Variants in PDE2A observed in about 807,000 individuals in gnomAD.
PDE2A encodes phosphodiesterase 2A, also known as cGMP-dependent 3',5'-cyclic phosphodiesterase.
A neutral mutation model predicts 133.6 loss-of-function variants in PDE2A; 53 were observed. The ratio of observed to expected loss-of-function variants is 0.40; its 90% CI spans 0.32 to 0.50. The LOEUF is 0.50. Ranked by LOEUF, PDE2A falls within the 20% of genes least tolerant of loss-of-function variation. PDE2A has a pLI of 0.73. For missense variants in PDE2A, 796 were observed against 1,232.4 expected (o/e 0.65, Z 5.30); for synonymous variants, 491 against 490.2 (o/e 1.00, Z -0.02).
chr11:72,650,033 T>A, intron 1 of PDE2A, among the ~76,000 whole-genome samples: 1 of 151,374 alleles, frequency 6.6e-6, no homozygotes, highest in Non-Finnish European at 1.5e-5. Context: ...TTTTTTTTTT[T>A]TTTTTTAGAT....
At chr11:72,622,345 A>T (rs1348325781) in intron 2 of PDE2A, among the ~76,000 whole-genome samples, 1 of 152,226 alleles carries the variant, frequency 6.6e-6, no homozygotes, top group African/African-American at 2.4e-5. Context: ...CAGCAAGCGT[A>T]CTTCTAGGTA....
At chr11:72,624,914 G>T (rs1857980563) in intron 2 of PDE2A, among the ~76,000 whole-genome samples, 1 of 152,204 alleles carries the variant, frequency 6.6e-6, no homozygotes, top group Non-Finnish European at 1.5e-5. Flanking sequence ...CACATGTGCA[G>T]AACGCCCCCT....
intron 2 of PDE2A, among the ~76,000 whole-genome samples, chr11:72,627,646 C>T (rs947965400): frequency 1.3e-5 from 2 of 152,176 alleles, no homozygotes; most frequent in Admixed American, 6.5e-5. Flanking sequence ...AATGCCCTGC[C>T]AAGGGGTGTG....
intron 1 of PDE2A, among the ~76,000 whole-genome samples, chr11:72,665,026 G>A (rs1480374121): frequency 6.6e-6 from 1 of 151,530 alleles, no homozygotes; most frequent in Non-Finnish European, 1.5e-5. Context: ...GGCTGGTCTT[G>A]AACTCCCAAC....
chr11:72,613,485 A>ACCTCCCTGCCTT (rs1314398580), intron 2 of PDE2A, among the ~76,000 whole-genome samples: 1 of 149,264 alleles, frequency 6.7e-6, no homozygotes, highest in Non-Finnish European at 1.5e-5. Flanking sequence ...TTTCGGGTGG[A>ACCTCCCTGCCTT]CCTCCCTGCC....
chr11:72,625,951 G>C (rs865878011), intron 2 of PDE2A, among the ~76,000 whole-genome samples: 1 of 152,346 alleles, frequency 6.6e-6, no homozygotes, highest in Middle Eastern at 3.4e-3. Context: ...GCAGGACGGT[G>C]GGGGGTGGGG....
intron 1 of PDE2A, among the ~76,000 whole-genome samples, chr11:72,656,222 T>G (rs749623325): frequency 6.6e-6 from 1 of 152,212 alleles, no homozygotes; most frequent in Non-Finnish European, 1.5e-5. Flanking sequence ...ACTGACCTGT[T>G]GTAACCCTGA....
intron 1 of PDE2A, chr11:72,668,999 C>T (rs1855321048): frequency 1.0e-6 from 1 of 998,810 alleles, no homozygotes; most frequent in South Asian, 4.4e-5. Context: ...TTCATAATGA[C>T]AGTAGCTAAC....
intron 2 of PDE2A, among the ~76,000 whole-genome samples, chr11:72,609,731 CT>C (rs1365223135): frequency 6.6e-6 from 1 of 152,084 alleles, no homozygotes; most frequent in East Asian, 1.9e-4. Context: ...CCCGCAAGCC[CT>C]TGGAAGTCCT....
rs1315594729 is a variant in PDE2A, at chr11:72,674,174, T to G, written c.34A>C (p.Arg12=). The change falls in exon 1 of 31, where the codon AGG becomes CGG. Residue 12 remains arginine (R), a synonymous_variant. Coordinates refer to ENST00000334456, the MANE Select transcript of PDE2A (RefSeq NM_002599.5). ...CGCGCTGCCGGGTACTGCTGGCTCC[T>G]GCAGAGGATGGAGTGGCCGCATGCC... ...GQACGHSILC[R]SQQYPAARPA... is the part of the protein sequence containing the mutation. 2 of 1,612,698 alleles carry G rather than the reference T, an allele frequency of 1.2e-6. No homozygotes were observed. Among genetic ancestry groups the G allele is most frequent in the Admixed American group, 3.3e-5 (2 of 59,994 alleles).
At chr11:72,661,633 C>T (rs1481611844) in intron 1 of PDE2A, among the ~76,000 whole-genome samples, 1 of 152,190 alleles carries the variant, frequency 6.6e-6, no homozygotes, top group Non-Finnish European at 1.5e-5. Context: ...CAGGAATTAG[C>T]CAGGTAAAAA....
chr11:72,652,685 A>G (rs1346188785), intron 1 of PDE2A: 1 of 456,176 alleles, frequency 2.2e-6, no homozygotes, highest in Non-Finnish European at 4.4e-6. Context: ...ACAGTTGATG[A>G]AACTGAGGCC....
At chr11:72,619,068 ACACG>A (rs1857620097) in intron 2 of PDE2A, among the ~76,000 whole-genome samples, 1 of 151,774 alleles carries the variant, frequency 6.6e-6, no homozygotes, top group African/African-American at 2.4e-5. Flanking sequence ...ACACACACAC[ACACG>A]CACACACTGG....
intron 2 of PDE2A, among the ~76,000 whole-genome samples, chr11:72,616,320 C>G (rs1857470710): frequency 6.6e-6 from 1 of 152,182 alleles, no homozygotes; most frequent in African/African-American, 2.4e-5. Flanking sequence ...CTCCCACTGC[C>G]CCCCTTTCCC....
chr11:72,591,264 A>C (rs751188724), intron 7 of PDE2A, 33 bp downstream of exon 7: 1 of 1,575,082 alleles, frequency 6.3e-7, no homozygotes, highest in South Asian at 1.1e-5. Context: ...AAGGGTCTTC[A>C]GCCTCATTGC....
intron 22 of PDE2A, 34 bp downstream of exon 22, chr11:72,581,843 G>A: frequency 6.3e-7 from 1 of 1,595,914 alleles, no homozygotes; most frequent in Non-Finnish European, 8.6e-7. Flanking sequence ...GAAAGAGGGA[G>A]GCGAAGACTG....
chr11:72,630,270 G>C (rs1858308853), intron 2 of PDE2A, among the ~76,000 whole-genome samples: 1 of 152,178 alleles, frequency 6.6e-6, no homozygotes, highest in African/African-American at 2.4e-5. Context: ...GTGCAGAGAA[G>C]ACAAGGCAGA....
At chr11:72,672,783 G>A (rs897862552) in intron 1 of PDE2A, among the ~76,000 whole-genome samples, 34 of 150,958 alleles carry the variant, frequency 2.3e-4, no homozygotes, top group South Asian at 6.3e-4. Flanking sequence ...AAGCCCCAGA[G>A]GGCAGAGTCA....
intron 6 of PDE2A, 121 bp downstream of exon 6, chr11:72,596,471 CT>C (rs1485990947): frequency 1.3e-5 from 3 of 225,372 alleles, no homozygotes; most frequent in African/African-American, 1.0e-4. Flanking sequence ...CTCTCTCTCT[CT>C]CTCTCTCTCT....
Sources: allele counts gnomAD v4.1 joint callset (sites outside exome capture counted in the v4.1 genomes callset), GRCh38; gene constraint gnomAD v4.1.1; transcripts MANE v1.5; gene names NCBI Gene and HGNC (gene_info 2026-07-23, HGNC 2026-07-21).